SPATA25: variants seen among roughly 807,000 people sequenced by gnomAD.
The protein encoded by SPATA25 is spermatogenesis-associated protein 25.
Under a neutral mutation model 16.0 loss-of-function variants are expected in SPATA25, and 16 were observed. The ratio of observed to expected loss-of-function variants is 1.00; its 90% CI spans 0.68 to 1.52. The LOEUF (loss-of-function observed/expected upper bound fraction) is 1.52. Among genes scored for constraint, SPATA25 ranks in the 40% most tolerant of loss-of-function variants. The pLI, the probability that SPATA25 is intolerant of heterozygous loss-of-function variation, is 0.00. For missense variants in SPATA25, 285 were observed against 289.2 expected, an observed-to-expected ratio of 0.99 and a Z score of 0.11; for synonymous variants, 115 against 118.5, an observed-to-expected ratio of 0.97 and a Z score of 0.19.
upstream of SPATA25, chr20:45,891,009 G>A (rs1477109112): frequency 6.8e-7 from 1 of 1,466,664 alleles, no homozygotes; most frequent in Non-Finnish European, 9.0e-7. The surrounding 1 kb of genome is among the most constrained non-coding windows in gnomAD (Gnocchi z 4.6). Flanking sequence ...CCATAGGGCA[G>A]GCCAGCTGGC....
intron 1 of SPATA25, 106 bp from the exon 2 acceptor site, chr20:45,887,251 C>A: frequency 3.7e-6 from 5 of 1,365,744 alleles, no homozygotes; most frequent in Non-Finnish European, 4.9e-6. Flanking sequence ...TAAGACCAGC[C>A]CCAGCGGACT....
chr20:45,888,524 C>A (rs749321773), upstream of SPATA25: 9 of 521,572 alleles, frequency 1.7e-5, no homozygotes, highest in Admixed American at 3.4e-5. Context: ...ATGACTCTAA[C>A]AAGCAGCCAG....
upstream of SPATA25, chr20:45,890,590 G>T: frequency 6.2e-7 from 1 of 1,612,510 alleles, no homozygotes; most frequent in Non-Finnish European, 8.5e-7. Context: ...GTCGGCTGGG[G>T]GCCGCTGCCT....
Position 45,886,539 on chromosome 20 carries a change from T to C in SPATA25, c.662A>G (p.Gln221Arg), listed in dbSNP as rs750891337. 2 of 1,582,434 alleles carry C rather than the reference T, an allele frequency of 1.3e-6. No homozygotes were observed. Among genetic ancestry groups the C allele is most frequent in the Non-Finnish European group, 1.7e-6 (2 of 1,159,466 alleles). Residue 221 changes from glutamine (Q) to arginine (R), a missense_variant, in exon 2 of 2, where the codon CAG becomes CGG. Transcript: ENST00000372519. ...CATCTACAAGCAGGAGCCAGGAGGC[T>C]GGCCCCTTTTAGATCTCACTAGGGG... ...KMPLVRSKRG[Q>R]PPGSCL
In SPATA25 at chr20:45,886,672, G is replaced by T. The variant is rs781070001; in HGVS notation, c.529C>A (p.Leu177Met). 3 of 1,614,174 alleles carry T rather than the reference G, an allele frequency of 1.9e-6. No homozygotes were observed. The highest frequency in any genetic ancestry group is 1.7e-6 in the Non-Finnish European group (2 of 1,180,046). ...VPVPGVREED[L>M]IWAAQAFMMA... Reference sequence around the variant, plus strand: ...ATGAAAGCTTGAGCGGCCCAGATCAGGTCCTCTTCCCGAACTCCTGGGACG... The same window carrying T: ...ATGAAAGCTTGAGCGGCCCAGATCATGTCCTCTTCCCGAACTCCTGGGACG... The change falls in exon 2 of 2, where the codon CTG becomes ATG. Residue 177 changes from leucine (L) to methionine (M), a missense_variant. Transcript: ENST00000372519.
upstream of SPATA25, among the ~76,000 whole-genome samples, chr20:45,888,098 A>C (rs990263483): frequency 1.3e-5 from 2 of 152,126 alleles, no homozygotes; most frequent in Non-Finnish European, 2.9e-5. Flanking sequence ...GCTCACTGCA[A>C]CCTCTGCCTC....
intron 1 of SPATA25, 96 bp from the exon 2 acceptor site, chr20:45,887,241 T>A: frequency 1.4e-6 from 2 of 1,425,990 alleles, no homozygotes; most frequent in South Asian, 2.7e-5. Context: ...GGGGCGTAAC[T>A]AAGACCAGCC....
At chr20:45,888,973 G>T, upstream of SPATA25, 1 of 1,406,704 alleles carries the variant, frequency 7.1e-7, no homozygotes, top group Non-Finnish European at 9.8e-7. Flanking sequence ...GTCATTAAAT[G>T]TGGGCAAGTC....
At position 45,887,066 on chromosome 20, in the gene SPATA25, G is replaced by A. The variant is rs555533241; in HGVS notation, c.135C>T (p.Gly45=). Residue 45 remains glycine (G), a synonymous_variant, in exon 2 of 2, where the codon GGC becomes GGT. Transcript: ENST00000372519. ...CCTGCTCAGCTTTCTGGCTCAGTGG[G>A]CCTGTTCCACCAGAGGCCACCACCA... ...EPVVVASGGT[G]PLSQKAEQVA... The A allele has an allele frequency of 2.5e-6, 4 of 1,608,166 alleles. No homozygotes were observed. The South Asian group carries it at 4.4e-5, about 18-fold the overall frequency.
chr20:45,887,777 G>A (rs1329375041), upstream of SPATA25: 3 of 482,096 alleles, frequency 6.2e-6, no homozygotes, highest in Admixed American at 7.8e-5. Context: ...ACCAGACCAG[G>A]AGCTGGGTGT....
chr20:45,890,743 G>C, upstream of SPATA25: 1 of 1,613,210 alleles, frequency 6.2e-7, no homozygotes, highest in Non-Finnish European at 8.5e-7. Context: ...CGGTCAGACC[G>C]AGACGCAGAT....
At chr20:45,890,113 G>C (rs1986678777), upstream of SPATA25, 1 of 899,832 alleles carries the variant, frequency 1.1e-6, no homozygotes, top group East Asian at 2.6e-5. Context: ...CACAAGCAGA[G>C]GTGCAATTTG....
chr20:45,890,556 A>AT (rs1986731313), upstream of SPATA25: 3 of 1,611,590 alleles, frequency 1.9e-6, no homozygotes, highest in Non-Finnish European at 1.7e-6. Flanking sequence ...ATGCGCAGAT[A>AT]TGGTTCCACG....
At chr20:45,888,190 G>C (rs1388073296), upstream of SPATA25, among the ~76,000 whole-genome samples, 1 of 152,036 alleles carries the variant, frequency 6.6e-6, no homozygotes, top group East Asian at 1.9e-4. Flanking sequence ...GCTAACTTTT[G>C]TATTTTTAGT....
chr20:45,891,002 T>C (rs550993199), upstream of SPATA25: 68 of 1,478,526 alleles, frequency 4.6e-5, no homozygotes, highest in East Asian at 1.5e-3. This position sits in a 1 kb window ranked among gnomAD's most constrained non-coding sequence, Gnocchi z 4.6. Flanking sequence ...CTCTCGGCCA[T>C]AGGGCAGGCC....
rs1444758139 is a variant in SPATA25, at chr20:45,887,579, G to T, written c.12C>A (p.Phe4Leu). 4 of 1,613,644 alleles carry T rather than the reference G, an allele frequency of 2.5e-6. No individual in the cohort carries two copies. In the African/African-American group the frequency reaches 4.0e-5, roughly 16 times the overall value. The change falls in exon 1 of 2, where the codon TTC becomes TTA. Residue 4 changes from phenylalanine to leucine, a missense_variant. By Grantham distance (22) the Phe-to-Leu change is conservative. Transcript: ENST00000372519. MSYFRTPQTHPGPL... is the reference protein window; with the variant it reads MSYLRTPQTHPGPL... ...GACCTGGATGAGTTTGTGGAGTCCT[G>T]AAGTAGGACATGGCTTCCCCAAAGC...
In SPATA25 at chr20:45,887,502, G is replaced by A. The variant is rs368141987; in HGVS notation, c.55+34C>T. ...AAGCAACTTCTCAGGGGAAGCTGCC[G>A]CACTCCCTCCAATTGCAGGTGCCCC... is the stretch of plus-strand genomic sequence containing the variant. On this transcript the variant is annotated intron_variant, in intron 1 of 1. Transcript: ENST00000372519. 1.9e-4 allele frequency: 303 copies of A among 1,606,066 alleles called. 2 individuals carry two copies. The African/African-American group carries it at 3.5e-3, about 18-fold the overall frequency.
At chr20:45,887,761 AAG>A (rs533982631), upstream of SPATA25, 315 of 517,152 alleles carry the variant, frequency 6.1e-4, 1 homozygote, top group African/African-American at 5.7e-3. Flanking sequence ...ATGAGGTTAA[AAG>A]AGCACCAGAC....
At chr20:45,890,962 C>T (rs571518624), upstream of SPATA25, 1 of 1,502,562 alleles carries the variant, frequency 6.7e-7, no homozygotes, top group Admixed American at 2.4e-5. Flanking sequence ...AGAGTGCACC[C>T]GAATCCACGG....
Sources: allele counts gnomAD v4.1 joint callset (sites outside exome capture counted in the v4.1 genomes callset), GRCh38; gene constraint gnomAD v4.1.1; non-coding constraint Gnocchi (gnomAD v3.1); transcripts MANE v1.5; gene names NCBI Gene and HGNC (gene_info 2026-07-23, HGNC 2026-07-21).